Variants in SUSD1 observed in about 807,000 individuals in gnomAD.
SUSD1 encodes sushi domain containing 1.
In SUSD1, 65 loss-of-function variants were observed where a neutral mutation model predicts 86.9. The observed-to-expected ratio is 0.75, with a 90% confidence interval of 0.61 to 0.92. The LOEUF is 0.92. SUSD1 is among the 40% of genes least tolerant of loss of function. The pLI is 0.00. For missense variants in SUSD1, 850 were observed against 929.7 expected, an observed-to-expected ratio of 0.91 and a Z score of 1.11; for synonymous variants, 346 against 350.0, an observed-to-expected ratio of 0.99 and a Z score of 0.13.
chr9:112,156,377 A>G (rs1347897761), intron 2 of SUSD1, among the ~76,000 whole-genome samples: 1 of 151,240 alleles, frequency 6.6e-6, no homozygotes, highest in Non-Finnish European at 1.5e-5. Flanking sequence ...TAGGAGAATC[A>G]CTTGAACCTC....
chr9:112,097,864 AC>A (rs1830463332), intron 10 of SUSD1, among the ~76,000 whole-genome samples: 1 of 152,022 alleles, frequency 6.6e-6, no homozygotes, highest in Admixed American at 6.5e-5. Context: ...TGTCTGATAA[AC>A]CCACAGGATT....
intron 8 of SUSD1, among the ~76,000 whole-genome samples, chr9:112,103,642 G>C (rs1830716689): frequency 6.6e-6 from 1 of 152,166 alleles, no homozygotes. Context: ...GCCCAAGCCT[G>C]ACAGAAGTGA....
chr9:112,062,632 T>C (rs1465368403), intron 13 of SUSD1, among the ~76,000 whole-genome samples: 2 of 152,044 alleles, frequency 1.3e-5, no homozygotes, highest in African/African-American at 4.8e-5. Context: ...CAGGTGGAGG[T>C]TGCAGTGAGC....
intron 2 of SUSD1, among the ~76,000 whole-genome samples, chr9:112,156,201 C>T (rs1269433068): frequency 2.6e-5 from 4 of 151,172 alleles, no homozygotes; most frequent in East Asian, 1.9e-4. Context: ...CAGTGGCTGA[C>T]GCTTGTAATC....
At chr9:112,076,013 A>G (rs1220563909) in intron 12 of SUSD1, among the ~76,000 whole-genome samples, 3 of 152,170 alleles carry the variant, frequency 2.0e-5, no homozygotes, top group African/African-American at 7.2e-5. Context: ...GGAGGAGAGC[A>G]GGGGGAGATG....
intron 6 of SUSD1, among the ~76,000 whole-genome samples, chr9:112,116,798 G>C (rs1378118802): frequency 8.5e-5 from 13 of 152,196 alleles, no homozygotes; most frequent in Admixed American, 8.5e-4. Flanking sequence ...GAGGCTGGTA[G>C]AGTGACTGAT....
chr9:112,084,939 G>C (rs946751071), intron 10 of SUSD1, among the ~76,000 whole-genome samples: 5 of 152,118 alleles, frequency 3.3e-5, no homozygotes, highest in Admixed American at 6.5e-5. Context: ...GCGACTCTTG[G>C]CAAAATCAAT....
At position 112,175,106 on chromosome 9, in the gene SUSD1, C is replaced by T; in HGVS notation, c.103+27G>A. The T allele has an allele frequency of 9.9e-7, 1 of 1,014,656 alleles. No individual in the cohort carries two copies. Among genetic ancestry groups the T allele is most frequent in the Non-Finnish European group, 1.2e-6 (1 of 850,798 alleles). The allele number at this position is 1,014,656 out of a possible 1,614,324, so 62.9% of individuals were successfully genotyped here. A position where few individuals can be genotyped will look rare whatever the true frequency, so the allele number is the denominator to read the frequency against. On this transcript the variant is annotated intron_variant, in intron 1 of 16. Transcript: ENST00000374270. This position sits in a 1 kb window ranked among gnomAD's most constrained non-coding sequence, Gnocchi z 4.7. Reference sequence around the variant, plus strand: ...GCCCAGCCGGGGGCCCCGCCGGCCGCCCGTGCCCGTCCCAGCCCGCACTCA... The same window carrying T: ...GCCCAGCCGGGGGCCCCGCCGGCCGTCCGTGCCCGTCCCAGCCCGCACTCA...
chr9:112,062,133 G>A (rs555619145), intron 13 of SUSD1, among the ~76,000 whole-genome samples: 2 of 152,132 alleles, frequency 1.3e-5, no homozygotes, highest in Admixed American at 1.3e-4. Flanking sequence ...TACATGAAAA[G>A]ACAAAAAGAT....
intron 5 of SUSD1, among the ~76,000 whole-genome samples, chr9:112,136,913 A>G (rs939397904): frequency 6.6e-6 from 1 of 152,134 alleles, no homozygotes; most frequent in Non-Finnish European, 1.5e-5. Flanking sequence ...CCTAGACCAC[A>G]CTGTGCATGA....
chr9:112,142,205 G>T lies in SUSD1; in HGVS notation c.706+115C>A. ...CCTGAAAATCTATGAGAAACAAATA[G>T]GAATTTTAAAGGTTTACTTAACTCA... On this transcript the variant is annotated intron_variant, in intron 5 of 16. Transcript: ENST00000374270. The T allele has an allele frequency of 3.6e-6, 3 of 834,220 alleles. No individual in the cohort carries two copies. In the Admixed American group the frequency reaches 8.9e-5, roughly 25 times the overall value. The allele number at this position is 834,220 out of a possible 1,614,324, so 51.7% of individuals were successfully genotyped here. A position where few individuals can be genotyped will look rare whatever the true frequency, so the allele number is the denominator to read the frequency against.
intron 15 of SUSD1, among the ~76,000 whole-genome samples, chr9:112,048,593 C>T (rs192911431): frequency 9.4e-4 from 143 of 152,278 alleles, no homozygotes; most frequent in African/African-American, 3.4e-3. Context: ...GCATGCCAGG[C>T]TCTGTTCCTC....
intron 8 of SUSD1, chr9:112,104,590 C>T (rs1452935425): frequency 6.6e-6 from 1 of 152,138 alleles, no homozygotes; most frequent in East Asian, 1.9e-4. Flanking sequence ...CCAAAGCCAA[C>T]AGCTTCACCA....
rs545381015 is a variant in SUSD1, at chr9:112,119,577, T to C, written c.886+4680A>G. Among the ~76,000 whole-genome samples the C allele has an allele frequency of 7.9e-5, 12 of 152,340 alleles. No individual in the cohort carries two copies. The East Asian group carries it at 1.9e-3, about 24-fold the overall frequency. On this transcript the variant is annotated intron_variant, in intron 6 of 16. Coordinates refer to ENST00000374270, the MANE Select transcript of SUSD1 (RefSeq NM_022486.5). ...GTGGAGTGAGTGAGCGTCAGCCTTA[T>C]AATCATTAACTCAGATTCTAAACAT...
At chr9:112,158,893 A>G (rs957034331) in intron 1 of SUSD1, among the ~76,000 whole-genome samples, 17 of 152,184 alleles carry the variant, frequency 1.1e-4, no homozygotes, top group African/African-American at 4.1e-4. Context: ...CAGACACTCA[A>G]TATATTTTTA....
At chr9:112,082,158 T>C (rs946142366) in intron 10 of SUSD1, among the ~76,000 whole-genome samples, 2 of 152,036 alleles carry the variant, frequency 1.3e-5, no homozygotes, top group Admixed American at 6.6e-5. Context: ...GAGCAACAAA[T>C]GATGCAACTG....
At chr9:112,085,412 A>G (rs1297857618) in intron 10 of SUSD1, among the ~76,000 whole-genome samples, 1 of 152,234 alleles carries the variant, frequency 6.6e-6, no homozygotes, top group Non-Finnish European at 1.5e-5. Flanking sequence ...TGGTCTTCAC[A>G]ACAAGCCCAC....
intron 1 of SUSD1, among the ~76,000 whole-genome samples, chr9:112,165,952 A>C (rs1302029882): frequency 5.4e-5 from 8 of 147,020 alleles, no homozygotes; most frequent in African/African-American, 2.1e-4. Context: ...GAAGAAAGAA[A>C]GAAAGAAAGA....
At chr9:112,082,296 C>T (rs1437600811) in intron 10 of SUSD1, among the ~76,000 whole-genome samples, 1 of 152,096 alleles carries the variant, frequency 6.6e-6, no homozygotes, top group Non-Finnish European at 1.5e-5. Context: ...AATAATGACC[C>T]CCACCCGCCA....
Sources: allele counts gnomAD v4.1 joint callset (sites outside exome capture counted in the v4.1 genomes callset), GRCh38; gene constraint gnomAD v4.1.1; non-coding constraint Gnocchi (gnomAD v3.1); transcripts MANE v1.5; gene names NCBI Gene and HGNC (gene_info 2026-07-23, HGNC 2026-07-21).